The following PTPRD variants were observed in gnomAD, a reference collection of about 807,000 sequenced individuals.
The protein encoded by PTPRD is protein tyrosine phosphatase receptor type D.
In PTPRD, 34 loss-of-function variants were observed where a neutral mutation model predicts 214.5. The observed-to-expected ratio is 0.16, with a 90% CI of 0.12 to 0.21. The LOEUF (loss-of-function observed/expected upper bound fraction) is 0.21, where lower values mean the gene tolerates loss of function less well. Among genes scored for constraint, PTPRD ranks in the 10% least tolerant of loss-of-function variants. The pLI is 1.00. For missense variants in PTPRD, 2,545 were observed against 2,398.7 expected (o/e 1.06, Z -1.27); for synonymous variants, 1,128 against 845.7 (o/e 1.33, Z -5.79).
At chr9:8,906,269 C>T (rs2098707028) in intron 11 of PTPRD, among the ~76,000 whole-genome samples, 2 of 152,136 alleles carry the variant, frequency 1.3e-5, no homozygotes, top group Admixed American at 1.3e-4. Flanking sequence ...AGGAGCTAAG[C>T]ACTGTTTTTT....
chr9:8,934,406 T>G, intron 11 of PTPRD, among the ~76,000 whole-genome samples: 1 of 43,218 alleles, frequency 2.3e-5, no homozygotes, highest in Non-Finnish European at 4.4e-5. Context: ...TGTGTGTGTG[T>G]GTGTGTGTGT....
intron 9 of PTPRD, among the ~76,000 whole-genome samples, chr9:9,244,319 G>A (rs908130833): frequency 1.4e-4 from 21 of 152,070 alleles, no homozygotes; most frequent in South Asian, 2.1e-4. Context: ...AAAAGAGCCC[G>A]CATTGCCAAG....
At chr9:8,581,113 G>A (rs969739848) in intron 14 of PTPRD, among the ~76,000 whole-genome samples, 1 of 152,052 alleles carries the variant, frequency 6.6e-6, no homozygotes, top group Non-Finnish European at 1.5e-5. Flanking sequence ...ACTCCAGGGT[G>A]AGTTCTACCT....
intron 2 of PTPRD, among the ~76,000 whole-genome samples, chr9:10,414,931 G>A (rs2098472753): frequency 6.6e-6 from 1 of 151,590 alleles, no homozygotes; most frequent in African/African-American, 2.4e-5. Context: ...TCTACTTGAG[G>A]GTGAAGGATG....
At chr9:8,843,471 T>C (rs1014506881) in intron 11 of PTPRD, among the ~76,000 whole-genome samples, 2 of 152,148 alleles carry the variant, frequency 1.3e-5, no homozygotes, top group Middle Eastern at 3.2e-3. Flanking sequence ...AGACTAGGGC[T>C]GTCTAATACA....
chr9:8,398,116 T>G (rs1213493698), intron 36 of PTPRD, among the ~76,000 whole-genome samples: 1 of 152,172 alleles, frequency 6.6e-6, no homozygotes, highest in Non-Finnish European at 1.5e-5. Flanking sequence ...TGTCTGCACT[T>G]AAAAGGGCCT....
intron 5 of PTPRD, among the ~76,000 whole-genome samples, chr9:9,900,643 T>TTTTTTTTTTGTTTTTTTG (rs1226872458): frequency 4.2e-5 from 6 of 143,354 alleles, no homozygotes; most frequent in South Asian, 4.4e-4. Flanking sequence ...ATTTTCAGGT[T>TTTTTTTTTTGTTTTTTTG]TTTTTTTTTT....
intron 9 of PTPRD, among the ~76,000 whole-genome samples, chr9:9,266,194 T>G (rs112328504): frequency 2.6e-5 from 4 of 151,396 alleles, no homozygotes; most frequent in Admixed American, 2.6e-4. Flanking sequence ...ATGTAGCAAT[T>G]TTAAACGTGT....
intron 11 of PTPRD, among the ~76,000 whole-genome samples, chr9:8,884,725 G>C (rs893427828): frequency 1.1e-4 from 17 of 152,350 alleles, no homozygotes; most frequent in African/African-American, 4.1e-4. Flanking sequence ...GTAGCAAAGA[G>C]AAGGGCTACA....
chr9:9,751,910 G>A (rs112167981), intron 6 of PTPRD, among the ~76,000 whole-genome samples: 1 of 152,238 alleles, frequency 6.6e-6, no homozygotes, highest in South Asian at 2.1e-4. Context: ...ATGTCACACA[G>A]GATAAGCTCT....
At chr9:9,549,090 T>C (rs889675082) in intron 8 of PTPRD, among the ~76,000 whole-genome samples, 2 of 152,042 alleles carry the variant, frequency 1.3e-5, no homozygotes, top group Admixed American at 1.3e-4. Context: ...TTTGCAATCT[T>C]GAAGTAGGCA....
intron 11 of PTPRD, among the ~76,000 whole-genome samples, chr9:8,929,833 GTA>G (rs34252958): frequency 0.18 from 17,386 of 97,140 alleles, 3,299 homozygotes; most frequent in South Asian, 0.29. Flanking sequence ...ATATATATGT[GTA>G]TATATATGTG....
intron 2 of PTPRD, among the ~76,000 whole-genome samples, chr9:10,386,723 G>C (rs2097920811): frequency 6.6e-6 from 1 of 151,832 alleles, no homozygotes; most frequent in East Asian, 2.0e-4. Flanking sequence ...ACAAATAAAA[G>C]AAGAGAGAAG....
chr9:8,896,153 T>C (rs943587347), intron 11 of PTPRD, among the ~76,000 whole-genome samples: 3 of 152,164 alleles, frequency 2.0e-5, no homozygotes, highest in African/African-American at 7.2e-5. Context: ...GTGAATAAAC[T>C]GGGGGAAATG....
chr9:9,151,757 C>G (rs1009646568), intron 10 of PTPRD, among the ~76,000 whole-genome samples: 1 of 152,086 alleles, frequency 6.6e-6, no homozygotes. Flanking sequence ...TCACAGATTG[C>G]TCAGTGCCTA....
chr9:9,588,567 G>A (rs73641325), intron 7 of PTPRD, among the ~76,000 whole-genome samples: 1 of 151,812 alleles, frequency 6.6e-6, no homozygotes, highest in Non-Finnish European at 1.5e-5. Flanking sequence ...TATCTTATTA[G>A]TGAAAGATAG....
At chr9:8,677,275 TTCA>T (rs1431929501) in intron 12 of PTPRD, among the ~76,000 whole-genome samples, 1 of 152,130 alleles carries the variant, frequency 6.6e-6, no homozygotes, top group African/African-American at 2.4e-5. Context: ...AACCTAAATG[TTCA>T]TCAACAGTAG....
intron 2 of PTPRD, among the ~76,000 whole-genome samples, chr9:10,395,954 TGA>T (rs368100918): frequency 2.3e-3 from 311 of 133,270 alleles, no homozygotes; most frequent in Middle Eastern, 3.8e-3. Context: ...ATAGAGAGAA[TGA>T]GAGAGAGAGA....
chr9:8,414,286 T>A (rs1416125856), intron 35 of PTPRD, among the ~76,000 whole-genome samples: 2 of 152,218 alleles, frequency 1.3e-5, no homozygotes, highest in East Asian at 1.9e-4. Context: ...TTTTTGTGCA[T>A]CTGAAATTCA....
Sources: allele counts gnomAD v4.1 joint callset (sites outside exome capture counted in the v4.1 genomes callset), GRCh38; gene constraint gnomAD v4.1.1; transcripts MANE v1.5; gene names NCBI Gene and HGNC (gene_info 2026-07-23, HGNC 2026-07-21).